The following NEDD4L variants were observed in gnomAD, a reference collection of about 807,000 sequenced individuals.
NEDD4L encodes NEDD4 like E3 ubiquitin protein ligase.
NEDD4L carries 54 observed loss-of-function variants against 148.9 expected under a neutral mutation model. That is an observed-to-expected ratio of 0.36 (90% CI 0.29 to 0.45). NEDD4L has a LOEUF of 0.45. Among genes scored for constraint, NEDD4L ranks in the 20% least tolerant of loss-of-function variants. The probability of loss-of-function intolerance (pLI) is 1.00; values close to 1 mark genes in which losing one functional copy is unlikely to be tolerated. For synonymous variants in NEDD4L, 433 were observed against 440.7 expected (o/e 0.98, Z 0.22); for missense variants, 856 against 1,233.8 (o/e 0.69, Z 4.59).
chr18:58,081,425 C>T (rs1296344250), intron 1 of NEDD4L, among the ~76,000 whole-genome samples: 2 of 152,060 alleles, frequency 1.3e-5, no homozygotes, highest in African/African-American at 4.8e-5. Context: ...CCGTGTTAGC[C>T]AGGAAGGTCT....
chr18:58,204,861 G>A (rs1479332308), intron 2 of NEDD4L, among the ~76,000 whole-genome samples: 1 of 152,222 alleles, frequency 6.6e-6, no homozygotes, highest in Non-Finnish European at 1.5e-5. Flanking sequence ...CAAATGGTTT[G>A]CGAGACAAAA....
rs188840707 is a variant in NEDD4L at position 58,104,478 on chromosome 18, T to A, written c.48+59770T>A. Among the ~76,000 whole-genome samples, 404 of 152,348 alleles carry A rather than the reference T, an allele frequency of 2.7e-3. 4 individuals are homozygous for A. Among genetic ancestry groups the A allele is most frequent in the African/African-American group, 9.5e-3 (394 of 41,576 alleles). ...ATGCGCTTAATTGTTTACTTTAAAA[T>A]GGTGATGTTATATGAATTTCACCTC... is the stretch of plus-strand genomic sequence containing the variant. On this transcript the variant is annotated intron_variant, in intron 1 of 30. Coordinates refer to ENST00000400345, the MANE Select transcript of NEDD4L (RefSeq NM_001144967.3).
chr18:58,089,343 C>A (rs572677174), intron 1 of NEDD4L, among the ~76,000 whole-genome samples: 1 of 152,080 alleles, frequency 6.6e-6, no homozygotes, highest in South Asian at 2.1e-4. Flanking sequence ...CCATATTGGC[C>A]AGCCTGGTCT....
intron 5 of NEDD4L, among the ~76,000 whole-genome samples, chr18:58,280,313 C>T (rs560469884): frequency 3.8e-4 from 58 of 152,288 alleles, no homozygotes; most frequent in South Asian, 3.3e-3. Context: ...ATGCCACTGT[C>T]CAGCCCATGC....
chr18:58,145,589 C>G (rs1451611870), intron 1 of NEDD4L, among the ~76,000 whole-genome samples: 4 of 151,746 alleles, frequency 2.6e-5, no homozygotes, highest in Admixed American at 6.6e-5. Flanking sequence ...AATTACTACT[C>G]TAGCCAATTT....
rs1273988545 is a variant in NEDD4L at position 58,349,524 on chromosome 18, A to C, written c.1576-13A>C. ...CCACTTAGCATCTACTGTCTTTTAC[A>C]TTTTTCTTGCAGGAAGATCCACGTT... On this transcript the variant is annotated splice_polypyrimidine_tract_variant and intron_variant, in intron 16 of 30. Coordinates refer to ENST00000400345, the MANE Select transcript of NEDD4L (RefSeq NM_001144967.3). 1 of 1,610,982 alleles carries C rather than the reference A, an allele frequency of 6.2e-7. No individual in the cohort carries two copies. Among genetic ancestry groups the C allele is most frequent in the Admixed American group, 1.7e-5 (1 of 60,014 alleles).
chr18:58,172,579 A>G (rs1338057912), intron 2 of NEDD4L, among the ~76,000 whole-genome samples: 2 of 152,220 alleles, frequency 1.3e-5, no homozygotes, highest in Non-Finnish European at 2.9e-5. Flanking sequence ...GAGGCAAGAA[A>G]GGTTTAGTAA....
At chr18:58,316,603 G>C (rs548065067) in intron 6 of NEDD4L, among the ~76,000 whole-genome samples, 1 of 152,370 alleles carries the variant, frequency 6.6e-6, no homozygotes, top group African/African-American at 2.4e-5. Context: ...GTTAGCATGT[G>C]TGGTGCTGCC....
At position 58,044,540 on chromosome 18, in the gene NEDD4L, A is replaced by G; in HGVS notation, c.-121A>G. 5 of 1,241,872 alleles carry G rather than the reference A, an allele frequency of 4.0e-6. No homozygotes were observed. The highest frequency in any genetic ancestry group is 3.4e-5 in the South Asian group (1 of 29,086). 76.9% of individuals were successfully genotyped at this position (1,241,872 alleles called of 1,614,324 possible). On this transcript the variant is annotated 5_prime_UTR_variant, in exon 1 of 31. Coordinates refer to ENST00000400345, the MANE Select transcript of NEDD4L (RefSeq NM_001144967.3). Reference sequence around the variant, plus strand: ...GCCGGCGCCCGGCCGCTTACCCGGCAGGGCGTGCGCAGGGTAGGGTGCGGG... The same window carrying G: ...GCCGGCGCCCGGCCGCTTACCCGGCGGGGCGTGCGCAGGGTAGGGTGCGGG...
chr18:58,144,951 C>T (rs2033948955), intron 1 of NEDD4L, among the ~76,000 whole-genome samples: 1 of 152,164 alleles, frequency 6.6e-6, no homozygotes, highest in Non-Finnish European at 1.5e-5. Flanking sequence ...AGTTGCTCCA[C>T]AGGTGTGGAG....
chr18:58,287,694 C>T (rs548012257), intron 5 of NEDD4L, among the ~76,000 whole-genome samples: 17 of 151,952 alleles, frequency 1.1e-4, no homozygotes, highest in Non-Finnish European at 1.6e-4. Flanking sequence ...CCTTATGTAT[C>T]GTATTTTTTC....
intron 1 of NEDD4L, among the ~76,000 whole-genome samples, chr18:58,058,391 T>A (rs975407179): frequency 2.6e-4 from 40 of 152,342 alleles, no homozygotes; most frequent in African/African-American, 9.1e-4. Context: ...GCATGCACAC[T>A]GTTGGCAGCC....
At chr18:58,359,931 G>C (rs1229805425) in intron 19 of NEDD4L, 1 of 152,164 alleles carries the variant, frequency 6.6e-6, no homozygotes, top group Admixed American at 6.5e-5. Context: ...CTTAGTCTTT[G>C]ACTCAAAAGG....
intron 5 of NEDD4L, among the ~76,000 whole-genome samples, chr18:58,303,218 A>G (rs1471447364): frequency 2.0e-5 from 3 of 152,202 alleles, no homozygotes; most frequent in Non-Finnish European, 4.4e-5. Flanking sequence ...TTTCTCTCCC[A>G]GGTTGATCTT....
intron 5 of NEDD4L, among the ~76,000 whole-genome samples, chr18:58,253,682 T>A (rs2048178380): frequency 6.6e-6 from 1 of 152,094 alleles, no homozygotes; most frequent in Admixed American, 6.5e-5. Context: ...GAGGAAAGGG[T>A]CAAATTTGAG....
At chr18:58,382,449 A>G (rs926543834) in intron 24 of NEDD4L, among the ~76,000 whole-genome samples, 1 of 152,236 alleles carries the variant, frequency 6.6e-6, no homozygotes, top group African/African-American at 2.4e-5. Context: ...AAATAGTGGC[A>G]TGGCTTTCTT....
At chr18:58,106,285 G>A (rs1029679403) in intron 1 of NEDD4L, among the ~76,000 whole-genome samples, 1 of 152,246 alleles carries the variant, frequency 6.6e-6, no homozygotes, top group African/African-American at 2.4e-5. Flanking sequence ...CTACTCTTAA[G>A]TCTTGCCCCT....
intron 1 of NEDD4L, among the ~76,000 whole-genome samples, chr18:58,114,149 C>T (rs1365457299): frequency 6.6e-6 from 1 of 152,140 alleles, no homozygotes; most frequent in Middle Eastern, 3.2e-3. Context: ...CATTCTTAAA[C>T]AACTCTGAGT....
chr18:58,074,262 A>ATT lies in NEDD4L; in HGVS notation c.48+29569_48+29570dup, dbSNP rs765771513. ...CTTATCCTCCCAAAATCATGCTAAG[A>ATT]TTTTTTTTTTTTTTTTAAGACAGAG... is the stretch of plus-strand genomic sequence containing the variant. On this transcript the variant is annotated intron_variant, in intron 1 of 30. Transcript: ENST00000400345. 1.3e-3 allele frequency among the ~76,000 whole-genome samples: 179 copies of ATT among 138,520 alleles called. 1 individual carries two copies. The highest frequency in any genetic ancestry group is 4.6e-3 in the African/African-American group (172 of 37,656). The allele number at this position is 138,520 out of a possible 152,430, so 90.9% of individuals were successfully genotyped here.
Sources: gnomAD v4.1 joint callset for allele counts (sites outside exome capture counted in the v4.1 genomes callset) on GRCh38, gnomAD v4.1.1 for gene constraint, MANE v1.5 for transcripts, NCBI Gene and HGNC (gene_info 2026-07-23, HGNC 2026-07-21) for gene names.